The following PRICKLE1 variants were observed in gnomAD, a reference collection of about 807,000 sequenced individuals.
The protein encoded by PRICKLE1 is prickle-like protein 1.
In PRICKLE1, 14 loss-of-function variants were observed where a neutral mutation model predicts 70.2. That is an observed-to-expected ratio of 0.20 (90% CI 0.13 to 0.31). PRICKLE1 has a LOEUF of 0.31. PRICKLE1 is among the 10% of genes least tolerant of loss of function. The pLI is 1.00. For missense variants in PRICKLE1, 821 were observed against 1,026.2 expected, an observed-to-expected ratio of 0.80 and a Z score of 2.73; for synonymous variants, 357 against 379.9, an observed-to-expected ratio of 0.94 and a Z score of 0.70.
chr12:42,512,603 G>A (rs1343465851), intron 1 of PRICKLE1, among the ~76,000 whole-genome samples: 1 of 152,108 alleles, frequency 6.6e-6, no homozygotes, highest in East Asian at 1.9e-4. Context: ...TCTTTCCTGA[G>A]TTATTTATCT....
intron 1 of PRICKLE1, among the ~76,000 whole-genome samples, chr12:42,499,841 C>T (rs1410697283): frequency 6.6e-6 from 1 of 152,142 alleles, no homozygotes; most frequent in Non-Finnish European, 1.5e-5. Flanking sequence ...GATTCTCCTG[C>T]CTCAGTCTCC....
intron 1 of PRICKLE1, among the ~76,000 whole-genome samples, chr12:42,482,113 TGTACATTTCCCAACAGCTGA>T (rs1423547127): frequency 6.6e-6 from 1 of 152,244 alleles, no homozygotes; most frequent in Non-Finnish European, 1.5e-5. Flanking sequence ...CCATCCAGCT[TGTACATTTCCCAACAGCTGA>T]GTGGGCTATC....
intron 1 of PRICKLE1, among the ~76,000 whole-genome samples, chr12:42,520,380 C>T (rs1939690361): frequency 1.3e-5 from 2 of 152,150 alleles, no homozygotes; most frequent in African/African-American, 2.4e-5. Flanking sequence ...AGGTAGACAG[C>T]CCTGAGACAG....
chr12:42,479,320 C>A (rs1187563878), intron 1 of PRICKLE1, among the ~76,000 whole-genome samples: 1 of 152,200 alleles, frequency 6.6e-6, no homozygotes, highest in Non-Finnish European at 1.5e-5. Flanking sequence ...AGTTATTGAC[C>A]AACGTTTCCA....
intron 1 of PRICKLE1, among the ~76,000 whole-genome samples, chr12:42,554,973 G>A (rs1940390025): frequency 6.6e-6 from 1 of 151,788 alleles, no homozygotes; most frequent in South Asian, 2.1e-4. Flanking sequence ...GCTTTGGGTG[G>A]GTAGCTATCA....
intron 1 of PRICKLE1, among the ~76,000 whole-genome samples, chr12:42,512,466 G>A (rs1303704782): frequency 3.9e-5 from 6 of 152,266 alleles, no homozygotes; most frequent in South Asian, 2.1e-4. Flanking sequence ...ATGAGGCACC[G>A]TGCCCAGCTG....
At chr12:42,561,905 C>CTTTTTTTTTTTTTTTT (rs60450733) in intron 1 of PRICKLE1, among the ~76,000 whole-genome samples, 2 of 87,250 alleles carry the variant, frequency 2.3e-5, no homozygotes, top group African/African-American at 4.3e-5. Context: ...TTTTTCTTTT[C>CTTTTTTTTTTTTTTTT]TTTTTTTTTT....
At chr12:42,534,778 A>T (rs747621633) in intron 1 of PRICKLE1, among the ~76,000 whole-genome samples, 2 of 152,176 alleles carry the variant, frequency 1.3e-5, no homozygotes, top group African/African-American at 2.4e-5. Context: ...TTGAAAGGGG[A>T]TACTAAAAAA....
chr12:42,580,682 G>A (rs961189720), intron 1 of PRICKLE1, among the ~76,000 whole-genome samples: 3 of 151,986 alleles, frequency 2.0e-5, no homozygotes, highest in East Asian at 1.9e-4. Context: ...TCTACTATGC[G>A]CCAGGCACTG....
At chr12:42,498,638 T>A (rs752329284) in intron 1 of PRICKLE1, among the ~76,000 whole-genome samples, 31 of 152,136 alleles carry the variant, frequency 2.0e-4, no homozygotes, top group Non-Finnish European at 3.4e-4. Flanking sequence ...AAAAACAAAA[T>A]CCCTTCTTCA....
At position 42,464,736 on chromosome 12, in the gene PRICKLE1, T is replaced by C. The variant is rs748766846; in HGVS notation, c.1298A>G (p.Asn433Ser). The change falls in exon 7 of 8, where the codon AAT (asparagine) becomes AGT (serine). Residue 433 changes from asparagine to serine, a missense_variant. Coordinates refer to ENST00000345127, the MANE Select transcript of PRICKLE1 (RefSeq NM_153026.3). This position sits in a 1 kb window ranked among gnomAD's most constrained non-coding sequence, Gnocchi z 4.2. ...GDKSLFQPQP[N>S]EMDIRASEHW... is the part of the protein sequence containing the mutation. ...CTCACTGGCTCGAATATCCATCTCA[T>C]TGGGCTGTGGCTGAAAGAGGCTTTT... The C allele has an allele frequency of 8.1e-6, 13 of 1,614,014 alleles. No individual in the cohort carries two copies. Among genetic ancestry groups the C allele is most frequent in the Admixed American group, 6.7e-5 (4 of 59,992 alleles).
At chr12:42,497,617 C>CAATTAAA (rs558286247) in intron 1 of PRICKLE1, among the ~76,000 whole-genome samples, 292 of 149,218 alleles carry the variant, frequency 2.0e-3, no homozygotes, top group Non-Finnish European at 3.5e-3. Context: ...TGCCCCAAAA[C>CAATTAAA]AATTAAAATA....
rs1348264193 is a variant in PRICKLE1, at chr12:42,464,781, A to T, written c.1253T>A (p.Leu418His). ...WADHEDYMTQLLLKFGDKSLF... is the reference protein window; with the variant it reads ...WADHEDYMTQHLLKFGDKSLF... ...GCTTTTATCACCAAACTTGAGGAGG[A>T]GCTGCGTCATATAATCTTCATGATC... The change falls in exon 7 of 8, where the codon CTC (leucine) becomes CAC (histidine). Residue 418 changes from leucine (L) to histidine (H), a missense_variant. By Grantham distance (99) the Leu-to-His change is moderately conservative. Transcript: ENST00000345127. The surrounding 1 kb of genome is among the most constrained non-coding windows in gnomAD (Gnocchi z 4.2). 5.0e-6 allele frequency: 8 copies of T among 1,613,968 alleles called. No homozygotes were observed. Among genetic ancestry groups the T allele is most frequent in the Non-Finnish European group, 6.8e-6 (8 of 1,180,018 alleles).
intron 1 of PRICKLE1, among the ~76,000 whole-genome samples, chr12:42,588,564 T>C (rs538483894): frequency 1.3e-5 from 2 of 152,064 alleles, no homozygotes; most frequent in East Asian, 3.9e-4. Flanking sequence ...GCCTTGTTCA[T>C]GGTCTCAGTT....
Position 42,503,842 on chromosome 12 carries a change from T to C in PRICKLE1, c.-48-31278A>G, listed in dbSNP as rs17455548. On this transcript the variant is annotated intron_variant, in intron 1 of 7. Transcript: ENST00000345127. The stretch of plus-strand genomic sequence containing the variant: ...TGCTAGGTCACACCTGAGGTTCCTG[T>C]AATCTCCCGAAATTCCTCCCAGTGT... Among the ~76,000 whole-genome samples, 722 of 152,324 alleles carry C rather than the reference T, an allele frequency of 4.7e-3. 9 individuals are homozygous for C. Among genetic ancestry groups the C allele is most frequent in the Non-Finnish European group, 7.5e-3 (507 of 68,026 alleles).
chr12:42,569,092 T>C (rs1006396820), intron 1 of PRICKLE1, among the ~76,000 whole-genome samples: 3 of 152,224 alleles, frequency 2.0e-5, no homozygotes, highest in Non-Finnish European at 4.4e-5. Flanking sequence ...TATCTCTACA[T>C]CTTTATTTTT....
intron 1 of PRICKLE1, among the ~76,000 whole-genome samples, chr12:42,565,603 ACAAC>A (rs1177293089): frequency 1.3e-5 from 2 of 152,244 alleles, no homozygotes; most frequent in Non-Finnish European, 2.9e-5. Flanking sequence ...ACTCCCCACA[ACAAC>A]CAAAGCAGTC....
At chr12:42,568,177 T>C (rs1940652906) in intron 1 of PRICKLE1, among the ~76,000 whole-genome samples, 1 of 152,246 alleles carries the variant, frequency 6.6e-6, no homozygotes. Context: ...TATTTTATTT[T>C]ACATATGTAT....
At chr12:42,491,221 G>C (rs1593135140) in intron 1 of PRICKLE1, among the ~76,000 whole-genome samples, 1 of 151,766 alleles carries the variant, frequency 6.6e-6, no homozygotes, top group East Asian at 1.9e-4. Flanking sequence ...CTTTAAAATA[G>C]AGTATTTAAA....
Sources: gnomAD v4.1 joint callset for allele counts (sites outside exome capture counted in the v4.1 genomes callset) on GRCh38, gnomAD v4.1.1 for gene constraint, Gnocchi (gnomAD v3.1) non-coding constraint, MANE v1.5 for transcripts, NCBI Gene and HGNC (gene_info 2026-07-23, HGNC 2026-07-21) for gene names.